Variants in ACTA2 observed in about 807,000 individuals in gnomAD.
The protein encoded by ACTA2 is actin, aortic smooth muscle.
ACTA2 carries 12 observed loss-of-function variants against 39.5 expected under a neutral mutation model. The observed-to-expected ratio is 0.30, with a 90% CI of 0.19 to 0.49. ACTA2 has a LOEUF of 0.49. Among genes scored for constraint, ACTA2 ranks in the 20% least tolerant of loss-of-function variants. ACTA2 has a pLI of 0.99. For synonymous variants in ACTA2, 158 were observed against 180.6 expected (o/e 0.88, Z 1.00); for missense variants, 236 against 498.8 (o/e 0.47, Z 5.02).
intron 3 of ACTA2, among the ~76,000 whole-genome samples, chr10:88,946,430 T>G (rs1392666869): frequency 6.6e-6 from 1 of 151,996 alleles, no homozygotes; most frequent in Non-Finnish European, 1.5e-5. Context: ...AGATAGGATC[T>G]CACTCTGTCA....
intron 8 of ACTA2, 111 bp downstream of exon 8, chr10:88,937,950 A>G: frequency 7.6e-7 from 1 of 1,316,888 alleles, no homozygotes; most frequent in South Asian, 1.2e-5. Flanking sequence ...ACCTACCCCT[A>G]AAACCCACAA....
rs776851189 is a variant in ACTA2 at position 88,938,028 on chromosome 10, G to C, written c.990+33C>G. On this transcript the variant is annotated intron_variant, in intron 8 of 8. Transcript: ENST00000224784. ...TGGTTATAGGGCTGACACTGCTGGC[G>C]GCATTGCCACTGGGTCTGTCACTGA... 8.1e-6 allele frequency: 13 copies of C among 1,612,296 alleles called. No homozygotes were observed. In the Admixed American group the frequency reaches 2.2e-4, roughly 27 times the overall value.
chr10:88,984,157 A>G (rs1026532763), intron 1 of ACTA2, among the ~76,000 whole-genome samples: 2 of 152,242 alleles, frequency 1.3e-5, no homozygotes, highest in African/African-American at 2.4e-5. Flanking sequence ...AACACTTGTT[A>G]AACTATAGGA....
At chr10:88,962,383 T>C (rs1266278769) in intron 1 of ACTA2, among the ~76,000 whole-genome samples, 1 of 152,082 alleles carries the variant, frequency 6.6e-6, no homozygotes, top group African/African-American at 2.4e-5. Context: ...AGTATTTCAA[T>C]AGGTAATTAA....
chr10:88,968,925 G>A (rs1182666999), intron 1 of ACTA2, among the ~76,000 whole-genome samples: 1 of 152,116 alleles, frequency 6.6e-6, no homozygotes, highest in South Asian at 2.1e-4. Context: ...AGAACTTTGT[G>A]TAGGTTTGGT....
At chr10:88,971,912 C>CTT (rs547839484) in intron 1 of ACTA2, among the ~76,000 whole-genome samples, 1 of 139,976 alleles carries the variant, frequency 7.1e-6, no homozygotes, top group African/African-American at 2.6e-5. Flanking sequence ...AAGGGGACTA[C>CTT]TTTTTTTTTT....
Position 88,990,774 on chromosome 10 carries a change from C to T in ACTA2, c.-24+165G>A, listed in dbSNP as rs546094619. On this transcript the variant is annotated intron_variant, in intron 1 of 4. Coordinates refer to the ACTA2 transcript ENST00000415557. This position sits in a 1 kb window ranked among gnomAD's most constrained non-coding sequence, Gnocchi z 4.9. The stretch of plus-strand genomic sequence containing the variant: ...GGCACGGAACACACCCTGAGGCCAG[C>T]CCTGGCTGCCCAGGCGGAGCTGCCT... The T allele has an allele frequency of 5.4e-6, 8 of 1,486,034 alleles. No individual in the cohort carries two copies. In the African/African-American group the frequency reaches 1.1e-4, roughly 21 times the overall value. 92.1% of individuals were successfully genotyped at this position (1,486,034 alleles called of 1,614,324 possible). A position where few individuals can be genotyped will look rare whatever the true frequency, so the allele number is the denominator to read the frequency against.
At chr10:88,982,506 G>A (rs1421529764) in intron 1 of ACTA2, among the ~76,000 whole-genome samples, 2 of 151,700 alleles carry the variant, frequency 1.3e-5, no homozygotes, top group Non-Finnish European at 2.9e-5. Flanking sequence ...CATGTCCCAC[G>A]ACAGAAATAA....
intron 8 of ACTA2, among the ~76,000 whole-genome samples, chr10:88,937,338 G>A (rs1184221309): frequency 6.6e-6 from 1 of 152,168 alleles, no homozygotes; most frequent in Non-Finnish European, 1.5e-5. Flanking sequence ...CCTGTGACAT[G>A]GGTCAGAGGG....
chr10:88,971,912 CTTT>C (rs547839484), intron 1 of ACTA2, among the ~76,000 whole-genome samples: 1 of 139,932 alleles, frequency 7.1e-6, no homozygotes, highest in Non-Finnish European at 1.6e-5. Flanking sequence ...AAGGGGACTA[CTTT>C]TTTTTTTTTT....
intron 8 of ACTA2, among the ~76,000 whole-genome samples, chr10:88,936,701 G>A (rs371474377): frequency 9.9e-5 from 15 of 152,072 alleles, no homozygotes; most frequent in East Asian, 9.6e-4. Flanking sequence ...TTCCTGTACA[G>A]CCTGCTGAAC....
intron 2 of ACTA2, chr10:88,948,179 A>G (rs7897521): frequency 0.22 from 34,308 of 158,018 alleles, 4,502 homozygotes; most frequent in African/African-American, 0.38. Context: ...ATTTATTCTC[A>G]TGAATATATC....
At chr10:88,963,039 C>A (rs1214350239) in intron 1 of ACTA2, among the ~76,000 whole-genome samples, 1 of 146,702 alleles carries the variant, frequency 6.8e-6, no homozygotes, top group African/African-American at 2.5e-5. Flanking sequence ...ATGAAACCAT[C>A]AGATCTCATG....
chr10:88,991,159 G>T, exon 1 of ACTA2: 1 of 591,124 alleles, frequency 1.7e-6, no homozygotes, highest in Non-Finnish European at 3.0e-6. Flanking sequence ...TGACCCCGCT[G>T]GGCAGGCGGG....
exon 1 of ACTA2, chr10:88,991,299 C>A (rs1402056801): frequency 5.1e-6 from 2 of 394,390 alleles, no homozygotes; most frequent in Non-Finnish European, 9.6e-6. Context: ...GAGAGAGGAG[C>A]GGAACTCCTG....
intron 1 of ACTA2, chr10:88,974,786 G>A (rs990219366): frequency 2.0e-5 from 3 of 152,178 alleles, no homozygotes; most frequent in African/African-American, 7.2e-5. Context: ...TTGGGATCCT[G>A]ATTAATGCTC....
At chr10:88,942,252 ATTTTTCCAG>A (rs1448841739) in intron 4 of ACTA2, among the ~76,000 whole-genome samples, 1 of 152,100 alleles carries the variant, frequency 6.6e-6, no homozygotes, top group Non-Finnish European at 1.5e-5. Context: ...GAGATCTCCC[ATTTTTCCAG>A]TGCAGACATC....
At chr10:88,967,400 T>C (rs1456825334) in intron 1 of ACTA2, among the ~76,000 whole-genome samples, 1 of 152,162 alleles carries the variant, frequency 6.6e-6, no homozygotes, top group African/African-American at 2.4e-5. Flanking sequence ...ACCTCAGTTT[T>C]TTCATCTATA....
intron 1 of ACTA2, among the ~76,000 whole-genome samples, chr10:88,965,481 G>A (rs1054203517): frequency 5.9e-5 from 9 of 152,126 alleles, no homozygotes; most frequent in Admixed American, 2.6e-4. Context: ...CACATTTCAG[G>A]ATTATTATAA....
Sources: allele counts gnomAD v4.1 joint callset (sites outside exome capture counted in the v4.1 genomes callset), GRCh38; gene constraint gnomAD v4.1.1; non-coding constraint Gnocchi (gnomAD v3.1); transcripts MANE v1.5; gene names NCBI Gene and HGNC (gene_info 2026-07-23, HGNC 2026-07-21).